The following ACOT11 variants were observed in gnomAD, a reference collection of about 807,000 sequenced individuals.
The protein encoded by ACOT11 is acyl-CoA thioesterase 11.
ACOT11 carries 69 observed loss-of-function variants against 77.5 expected under a neutral mutation model. The observed-to-expected ratio is 0.89, with a 90% CI of 0.73 to 1.09. The LOEUF (loss-of-function observed/expected upper bound fraction) is 1.09, where lower values mean the gene tolerates loss of function less well. ACOT11 is among the 50% of genes least tolerant of loss of function. ACOT11 has a pLI of 0.00. For synonymous variants in ACOT11, 279 were observed against 313.0 expected (o/e 0.89, Z 1.15); for missense variants, 766 against 813.7 (o/e 0.94, Z 0.71).
downstream of ACOT11, among the ~76,000 whole-genome samples, chr1:54,612,906 G>T (rs181277445): frequency 3.9e-5 from 6 of 152,188 alleles, no homozygotes; most frequent in East Asian, 9.7e-4. Flanking sequence ...GGGAAGTCTG[G>T]GTTCAGATCC....
intron 11 of ACOT11, 112 bp from the exon 12 acceptor site, chr1:54,604,234 C>A: frequency 1.0e-6 from 1 of 969,824 alleles, no homozygotes; most frequent in South Asian, 1.5e-5. Context: ...ACCACCCACC[C>A]ACCGCCCAAC....
Position 54,607,853 on chromosome 1 carries a change from G to T in ACOT11, c.1503-89G>T, listed in dbSNP as rs1644047436. The T allele has an allele frequency of 1.3e-6, 2 of 1,543,070 alleles. No individual in the cohort carries two copies. Among genetic ancestry groups the T allele is most frequent in the African/African-American group, 1.4e-5 (1 of 73,064 alleles). ...CTGGTGAGGAATCTGTGCTAGAGGG[G>T]GCAGGGTCTCGGCCTTGGTTGGGCA... On this transcript the variant is annotated intron_variant, in intron 14 of 15. Transcript: ENST00000343744. The surrounding 1 kb of genome is among the most constrained non-coding windows in gnomAD (Gnocchi z 4.5).
At chr1:54,611,956 G>C (rs1198999578), downstream of ACOT11, among the ~76,000 whole-genome samples, 1 of 152,126 alleles carries the variant, frequency 6.6e-6, no homozygotes, top group African/African-American at 2.4e-5. Flanking sequence ...AGGCCCAGGA[G>C]GGAGGGGGAG....
At chr1:54,622,453 C>G (rs374103541) in intron 15 of ACOT11, among the ~76,000 whole-genome samples, 1 of 152,070 alleles carries the variant, frequency 6.6e-6, no homozygotes, top group African/African-American at 2.4e-5. Context: ...TGGCGCACGC[C>G]TGTAGTCCCA....
rs368647522 is a variant in ACOT11 at position 54,584,817 on chromosome 1, G to A, written c.196G>A (p.Val66Ile). 9.3e-6 allele frequency: 15 copies of A among 1,613,916 alleles called. No individual in the cohort carries two copies. Among genetic ancestry groups the A allele is most frequent in the Non-Finnish European group, 1.3e-5 (15 of 1,180,032 alleles). ...CHTNQRGELSVGQLLKWIDTT... is the reference protein window; with the variant it reads ...CHTNQRGELSIGQLLKWIDTT... ...CACCAACCAACGTGGTGAGCTGAGCGTCGGGCAGCTGCTCAAGTGGATTGA... is the reference window on the plus strand; with the variant it reads ...CACCAACCAACGTGGTGAGCTGAGCATCGGGCAGCTGCTCAAGTGGATTGA... The change falls in exon 2 of 16, where the codon GTC becomes ATC. Residue 66 changes from valine (V) to isoleucine (I), a missense_variant. Transcript: ENST00000343744. The surrounding 1 kb of genome is among the most constrained non-coding windows in gnomAD (Gnocchi z 6.3).
intron 9 of ACOT11, among the ~76,000 whole-genome samples, chr1:54,602,237 T>A (rs1446457853): frequency 6.6e-6 from 1 of 152,242 alleles, no homozygotes. Flanking sequence ...GCCCTCACCC[T>A]TCCTTGTCTC....
chr1:54,567,567 C>A (rs976408935), intron 1 of ACOT11, among the ~76,000 whole-genome samples: 1 of 152,188 alleles, frequency 6.6e-6, no homozygotes, highest in Non-Finnish European at 1.5e-5. Flanking sequence ...GCGTGAGCCA[C>A]TGTGCCTGGC....
intron 6 of ACOT11, among the ~76,000 whole-genome samples, chr1:54,596,038 C>A (rs1654886629): frequency 6.6e-6 from 1 of 152,212 alleles, no homozygotes; most frequent in Admixed American, 6.5e-5. Context: ...TCCATCCATC[C>A]CCTTGCAGCC....
intron 1 of ACOT11, among the ~76,000 whole-genome samples, chr1:54,550,937 C>T (rs1436011752): frequency 3.3e-5 from 5 of 149,686 alleles, no homozygotes; most frequent in Non-Finnish European, 5.9e-5. Context: ...GCCAGGAGTT[C>T]GAGACCAGCT....
exon 17 of ACOT11, chr1:54,636,546 C>T (rs375208547): frequency 1.3e-5 from 2 of 152,330 alleles, no homozygotes; most frequent in East Asian, 3.9e-4. Flanking sequence ...AGTAAATCGG[C>T]TTTACACCCA....
chr1:54,580,446 C>T (rs1330530655), intron 1 of ACOT11, among the ~76,000 whole-genome samples: 1 of 152,208 alleles, frequency 6.6e-6, no homozygotes, highest in Non-Finnish European at 1.5e-5. Context: ...CTGTCTCCAC[C>T]CATCCAGGTA....
chr1:54,564,431 A>G (rs1423874369), intron 1 of ACOT11, among the ~76,000 whole-genome samples: 1 of 150,766 alleles, frequency 6.6e-6, no homozygotes, highest in African/African-American at 2.5e-5. Flanking sequence ...ACTCCTTGGC[A>G]TTGTCTTATT....
rs952617410 is a variant in ACOT11, at chr1:54,601,540, G to T, written c.1029+127G>T. 8 of 1,390,282 alleles carry T rather than the reference G, an allele frequency of 5.8e-6. No individual in the cohort carries two copies. The African/African-American group carries it at 8.7e-5, about 15-fold the overall frequency. 86.1% of individuals were successfully genotyped at this position (1,390,282 alleles called of 1,614,324 possible). On this transcript the variant is annotated intron_variant, in intron 9 of 15. Transcript: ENST00000343744. ...AGGGGCCCACCCTACCCCCGTGCTG[G>T]GGCACAGCCAGCTGAGTGTCCTGGC...
intron 3 of ACOT11, among the ~76,000 whole-genome samples, chr1:54,591,125 A>G (rs186121300): frequency 1.9e-4 from 29 of 152,318 alleles, no homozygotes; most frequent in Non-Finnish European, 3.7e-4. Flanking sequence ...TCACTATGTC[A>G]GCATGAATCT....
intron 15 of ACOT11, among the ~76,000 whole-genome samples, chr1:54,620,268 G>A (rs1260926742): frequency 6.6e-6 from 1 of 152,232 alleles, no homozygotes; most frequent in Non-Finnish European, 1.5e-5. Flanking sequence ...GGAAGACCTT[G>A]AAGGATGGGT....
chr1:54,611,581 C>T (rs761557479), downstream of ACOT11: 35 of 1,612,350 alleles, frequency 2.2e-5, no homozygotes, highest in Non-Finnish European at 2.8e-5. Flanking sequence ...CAGCCCACAC[C>T]ACCCTTCCCA....
At chr1:54,575,540 G>T (rs1354472161) in intron 1 of ACOT11, among the ~76,000 whole-genome samples, 2 of 151,742 alleles carry the variant, frequency 1.3e-5, no homozygotes, top group East Asian at 3.9e-4. Flanking sequence ...TGCCTGTGTG[G>T]GGTGACACTA....
chr1:54,589,538 A>G (rs920860545), intron 3 of ACOT11, among the ~76,000 whole-genome samples: 4 of 152,082 alleles, frequency 2.6e-5, no homozygotes, highest in African/African-American at 4.8e-5. Flanking sequence ...TGGCACCATC[A>G]TAGCTCACTG....
intron 6 of ACOT11, among the ~76,000 whole-genome samples, chr1:54,596,971 G>T (rs897134075): frequency 2.0e-5 from 3 of 152,226 alleles, no homozygotes; most frequent in African/African-American, 7.2e-5. Flanking sequence ...GGCAACCGAG[G>T]CTCAGAGGGA....
Sources: gnomAD v4.1 joint callset for allele counts (sites outside exome capture counted in the v4.1 genomes callset) on GRCh38, gnomAD v4.1.1 for gene constraint, Gnocchi (gnomAD v3.1) non-coding constraint, MANE v1.5 for transcripts, NCBI Gene and HGNC (gene_info 2026-07-23, HGNC 2026-07-21) for gene names.